Variants in PDIA5 observed in about 807,000 individuals in gnomAD.
PDIA5 encodes the protein protein disulfide-isomerase A5.
A neutral mutation model predicts 77.6 loss-of-function variants in PDIA5; 58 were observed. That is an observed-to-expected ratio of 0.75 (90% CI 0.61 to 0.93). The LOEUF (loss-of-function observed/expected upper bound fraction) is 0.93, where lower values mean the gene tolerates loss of function less well. Ranked by LOEUF, PDIA5 falls within the 40% of genes least tolerant of loss-of-function variation. The probability of loss-of-function intolerance (pLI) is 0.00; values close to 1 mark genes in which losing one functional copy is unlikely to be tolerated. For missense variants in PDIA5, 630 were observed against 647.7 expected, an observed-to-expected ratio of 0.97 and a Z score of 0.30; for synonymous variants, 250 against 252.1, an observed-to-expected ratio of 0.99 and a Z score of 0.08.
At chr3:123,123,792 G>A (rs530507434) in intron 8 of PDIA5, among the ~76,000 whole-genome samples, 2 of 152,222 alleles carry the variant, frequency 1.3e-5, no homozygotes, top group African/African-American at 2.4e-5. Flanking sequence ...CAGAACGTTG[G>A]TTTTGCTCTG....
At chr3:123,123,379 A>C (rs556517800) in intron 8 of PDIA5, among the ~76,000 whole-genome samples, 6 of 152,342 alleles carry the variant, frequency 3.9e-5, no homozygotes, top group Admixed American at 3.3e-4. Flanking sequence ...TATGTTCAGA[A>C]TTCTGAGATG....
chr3:123,078,055 G>A (rs554173111), intron 1 of PDIA5, among the ~76,000 whole-genome samples: 30 of 152,212 alleles, frequency 2.0e-4, no homozygotes, highest in African/African-American at 5.3e-4. Context: ...TGATCCGCTC[G>A]CCTCAGCCTC....
intron 11 of PDIA5, among the ~76,000 whole-genome samples, chr3:123,137,034 T>C (rs961781078): frequency 6.6e-6 from 1 of 152,222 alleles, no homozygotes; most frequent in Admixed American, 6.5e-5. Context: ...ACATATATAA[T>C]TGGGAAAATG....
intron 8 of PDIA5, among the ~76,000 whole-genome samples, chr3:123,120,368 A>G (rs922653551): frequency 6.6e-6 from 1 of 152,004 alleles, no homozygotes; most frequent in African/African-American, 2.4e-5. Context: ...CCCTGCCCAC[A>G]CTGGGTTGTG....
chr3:123,139,408 G>C (rs923694736), intron 11 of PDIA5, among the ~76,000 whole-genome samples: 1 of 152,190 alleles, frequency 6.6e-6, no homozygotes, highest in African/African-American at 2.4e-5. Context: ...GCCTGGCCAG[G>C]CTCCTCATCT....
intron 11 of PDIA5, among the ~76,000 whole-genome samples, chr3:123,135,794 C>A (rs1236733154): frequency 2.9e-5 from 1 of 35,072 alleles, no homozygotes; most frequent in African/African-American, 1.1e-4. Context: ...TCTTGCTAGT[C>A]TTTTTCATTT....
intron 15 of PDIA5, among the ~76,000 whole-genome samples, chr3:123,156,804 G>A (rs1460454452): frequency 1.5e-5 from 2 of 136,650 alleles, no homozygotes; most frequent in African/African-American, 5.9e-5. Context: ...CACCGAGGGG[G>A]CTGGGGAAAC....
rs189850293 is a variant in PDIA5, at chr3:123,153,464, G to C, written c.1274-1507G>C. Among the ~76,000 whole-genome samples the C allele has an allele frequency of 1.5e-3, 230 of 152,260 alleles. 1 individual carries two copies. Among genetic ancestry groups the C allele is most frequent in the Middle Eastern group, 3.4e-3 (1 of 294 alleles). On this transcript the variant is annotated intron_variant, in intron 14 of 16. Coordinates refer to ENST00000316218, the MANE Select transcript of PDIA5 (RefSeq NM_006810.4). Reference sequence around the variant, plus strand: ...ATGAATTTGAGCTATTTTTCTTTCTGTTATGTCAAATTAGTGAAGTGTTAC... The same window carrying C: ...ATGAATTTGAGCTATTTTTCTTTCTCTTATGTCAAATTAGTGAAGTGTTAC...
At chr3:123,100,653 C>T (rs979849523) in intron 3 of PDIA5, among the ~76,000 whole-genome samples, 1 of 152,226 alleles carries the variant, frequency 6.6e-6, no homozygotes, top group African/African-American at 2.4e-5. Context: ...CAGGGAGACA[C>T]TCCTCCTCTC....
chr3:123,133,291 T>A (rs998281260), intron 11 of PDIA5, among the ~76,000 whole-genome samples: 8 of 152,210 alleles, frequency 5.3e-5, no homozygotes, highest in African/African-American at 1.7e-4. Context: ...GTTTCCTAAG[T>A]GCAGAAAGGG....
intron 1 of PDIA5, among the ~76,000 whole-genome samples, chr3:123,067,742 C>A (rs571382876): frequency 3.9e-5 from 6 of 152,330 alleles, no homozygotes; most frequent in Non-Finnish European, 7.3e-5. Flanking sequence ...GTCGACGTAG[C>A]CCGCCCCGGC....
Position 123,069,158 on chromosome 3 carries a change from G to A in PDIA5, c.42+1952G>A, listed in dbSNP as rs571500740. On this transcript the variant is annotated intron_variant, in intron 1 of 16. Coordinates refer to ENST00000316218, the MANE Select transcript of PDIA5 (RefSeq NM_006810.4). ...CAGTGGTGAGTGATTGCTGGACAGC[G>A]CGTTGGGTCTTTGTAAATTTAAATG... is the stretch of plus-strand genomic sequence containing the variant. Among the ~76,000 whole-genome samples the A allele has an allele frequency of 5.3e-5, 8 of 152,310 alleles. 1 individual carries two copies. Among genetic ancestry groups the A allele is most frequent in the Middle Eastern group, 3.4e-3 (1 of 294 alleles).
intron 8 of PDIA5, among the ~76,000 whole-genome samples, chr3:123,118,072 G>C (rs1368680040): frequency 6.6e-6 from 1 of 152,206 alleles, no homozygotes; most frequent in Non-Finnish European, 1.5e-5. Context: ...AACTTAAAAA[G>C]TTTAAGTGGC....
intron 2 of PDIA5, among the ~76,000 whole-genome samples, chr3:123,091,953 C>T (rs1415372168): frequency 1.3e-5 from 2 of 152,206 alleles, no homozygotes; most frequent in Non-Finnish European, 2.9e-5. Flanking sequence ...AACATCATTC[C>T]CTGCTTTAGT....
At chr3:123,131,527 C>G (rs536584089) in intron 11 of PDIA5, among the ~76,000 whole-genome samples, 1 of 150,126 alleles carries the variant, frequency 6.7e-6, no homozygotes, top group South Asian at 2.2e-4. Context: ...GGCTGAGGCC[C>G]CAGGAGAGCC....
chr3:123,084,829 G>A (rs1353186879), intron 1 of PDIA5, among the ~76,000 whole-genome samples: 1 of 152,026 alleles, frequency 6.6e-6, no homozygotes, highest in African/African-American at 2.4e-5. Flanking sequence ...CTCTCCACGC[G>A]GGCAGCCACC....
At chr3:123,111,103 G>A in intron 7 of PDIA5, 99 bp downstream of exon 7, 2 of 840,014 alleles carry the variant, frequency 2.4e-6, no homozygotes, top group Non-Finnish European at 4.0e-6. Context: ...GGATTAGCCT[G>A]GGTGCCTGGC....
chr3:123,089,484 C>T (rs896022115), intron 2 of PDIA5, among the ~76,000 whole-genome samples, 190 bp downstream of exon 2: 14 of 152,198 alleles, frequency 9.2e-5, no homozygotes, highest in Admixed American at 7.8e-4. Context: ...CTTTCTGATC[C>T]GAGGGGGTGG....
chr3:123,124,428 G>C lies in PDIA5; in HGVS notation c.773+85G>C, dbSNP rs1935196283. On this transcript the variant is annotated intron_variant, in intron 10 of 16. Transcript: ENST00000316218. ...CCTGAGGGTCGCAGGGCTCTGGCTG[G>C]AGGTTGGGGGAAAGAATGAGGAAGG... The C allele has an allele frequency of 3.0e-5, 28 of 933,440 alleles. No individual in the cohort carries two copies. In the South Asian group the frequency reaches 3.6e-4, roughly 12 times the overall value. The allele number at this position is 933,440 out of a possible 1,614,324, so 57.8% of individuals were successfully genotyped here. A position where few individuals can be genotyped will look rare whatever the true frequency, so the allele number is the denominator to read the frequency against.
Sources: allele counts gnomAD v4.1 joint callset (sites outside exome capture counted in the v4.1 genomes callset), GRCh38; gene constraint gnomAD v4.1.1; transcripts MANE v1.5; gene names NCBI Gene and HGNC (gene_info 2026-07-23, HGNC 2026-07-21).